The following WDFY4 variants were observed in gnomAD, a reference collection of about 807,000 sequenced individuals.
The protein encoded by WDFY4 is WD repeat- and FYVE domain-containing protein 4.
Under a neutral mutation model 351.9 loss-of-function variants are expected in WDFY4, and 169 were observed. That is an observed-to-expected ratio of 0.48 (90% CI 0.42 to 0.55). The LOEUF (loss-of-function observed/expected upper bound fraction) is 0.55, where lower values mean the gene tolerates loss of function less well. Among genes scored for constraint, WDFY4 ranks in the 20% least tolerant of loss-of-function variants. The pLI is 0.00. For synonymous variants in WDFY4, 1,622 were observed against 1,574.6 expected, an observed-to-expected ratio of 1.03 and a Z score of -0.71; for missense variants, 3,803 against 3,935.6, an observed-to-expected ratio of 0.97 and a Z score of 0.90.
intron 14 of WDFY4, 149 bp from the exon 15 acceptor site, chr10:48,775,563 C>T (rs1453008393): frequency 1.3e-5 from 9 of 713,854 alleles, no homozygotes; most frequent in South Asian, 1.1e-4. Context: ...CAGAGACACC[C>T]TGTCTCCACA....
At chr10:48,721,848 C>T (rs567210099) in intron 4 of WDFY4, among the ~76,000 whole-genome samples, 1 of 152,272 alleles carries the variant, frequency 6.6e-6, no homozygotes, top group East Asian at 1.9e-4. Context: ...ATTCTAGAAC[C>T]CATGCTCTGA....
At chr10:48,834,139 G>A (rs1182594452) in intron 39 of WDFY4, among the ~76,000 whole-genome samples, 1 of 152,206 alleles carries the variant, frequency 6.6e-6, no homozygotes, top group Non-Finnish European at 1.5e-5. Context: ...CTTGTTAAAG[G>A]CACTGTTCAA....
intron 13 of WDFY4, among the ~76,000 whole-genome samples, chr10:48,766,843 C>T (rs921059562): frequency 2.0e-5 from 3 of 152,316 alleles, no homozygotes; most frequent in African/African-American, 4.8e-5. Context: ...AGATCACAGA[C>T]TCAACATCTC....
chr10:48,800,719 T>A (rs56321770), intron 24 of WDFY4, among the ~76,000 whole-genome samples: 1,710 of 121,668 alleles, frequency 0.014, 24 homozygotes, highest in African/African-American at 0.026. Flanking sequence ...TCTTTCTTTC[T>A]TTCATTCTTT....
intron 57 of WDFY4, among the ~76,000 whole-genome samples, chr10:48,970,662 C>A (rs76561156): frequency 6.6e-6 from 1 of 152,320 alleles, no homozygotes; most frequent in African/African-American, 2.4e-5. Flanking sequence ...GAGCATTTTG[C>A]CACAAGTTGG....
chr10:48,731,217 T>G lies in WDFY4; in HGVS notation c.1237T>G (p.Trp413Gly). 6.4e-7 allele frequency: 1 copy of G among 1,551,892 alleles called. No homozygotes were observed. The highest frequency in any genetic ancestry group is 8.7e-7 in the Non-Finnish European group (1 of 1,147,026). ...AGTCTTGTCAGTCATCAGGACCATG[T>G]GGGCCTGGAATGCTCGAAACTTCTT... is the stretch of plus-strand genomic sequence containing the variant. ...IQVLSVIRTM[W>G]AWNARNFFLL... Residue 413 changes from tryptophan to glycine, a missense_variant, in exon 9 of 62, where the codon TGG becomes GGG. Transcript: ENST00000325239.
chr10:48,979,872 A>T (rs1316459993), intron 60 of WDFY4: 1 of 152,178 alleles, frequency 6.6e-6, no homozygotes, highest in African/African-American at 2.4e-5. Context: ...TCAAATGGGG[A>T]CACTTCCTGT....
chr10:48,916,403 T>C (rs1488139374), intron 47 of WDFY4, among the ~76,000 whole-genome samples: 2 of 152,126 alleles, frequency 1.3e-5, no homozygotes, highest in East Asian at 1.9e-4. Flanking sequence ...TGCTTGCTTC[T>C]CTCCTGTCTC....
chr10:48,796,451 G>A lies in WDFY4; in HGVS notation c.4410+1G>A. 3 of 1,550,156 alleles carry A rather than the reference G, an allele frequency of 1.9e-6. No individual in the cohort carries two copies. The highest frequency in any genetic ancestry group is 2.6e-6 in the Non-Finnish European group (3 of 1,146,932). On this transcript the variant is annotated splice_donor_variant, in intron 24 of 61. Transcript: ENST00000325239. LOFTEE classifies it high-confidence loss of function. ...CCAGCACATCCTCTGCAATTTCGAG[G>A]TAAATCAGAGATTGGCCCTTAGTCC...
chr10:48,787,258 C>G (rs1314736022), intron 20 of WDFY4, among the ~76,000 whole-genome samples: 2 of 152,188 alleles, frequency 1.3e-5, no homozygotes, highest in Non-Finnish European at 2.9e-5. Flanking sequence ...TGTTGTTATT[C>G]AAGCAGGGAG....
At chr10:48,702,561 C>T (rs562177231) in intron 1 of WDFY4, among the ~76,000 whole-genome samples, 4 of 152,168 alleles carry the variant, frequency 2.6e-5, no homozygotes, top group African/African-American at 4.8e-5. Flanking sequence ...GGGTGTTAGC[C>T]GTGTGTTCCT....
At chr10:48,742,373 C>T (rs1338024509) in intron 11 of WDFY4, among the ~76,000 whole-genome samples, 1 of 152,230 alleles carries the variant, frequency 6.6e-6, no homozygotes, top group African/African-American at 2.4e-5. Context: ...ACTGTTTCCC[C>T]TCATCTAATA....
chr10:48,691,260 A>G (rs1014299841), intron 1 of WDFY4, among the ~76,000 whole-genome samples: 1 of 151,016 alleles, frequency 6.6e-6, no homozygotes, highest in Admixed American at 6.6e-5. Context: ...ACCCTGACTT[A>G]GGGTGGCAGA....
chr10:48,858,588 A>G (rs1187859292), intron 39 of WDFY4, among the ~76,000 whole-genome samples: 1 of 152,182 alleles, frequency 6.6e-6, no homozygotes, highest in East Asian at 1.9e-4. Flanking sequence ...AGTACCGCAC[A>G]TTCTCAATTA....
chr10:48,710,905 C>A (rs1265815636), intron 2 of WDFY4, among the ~76,000 whole-genome samples: 1 of 152,164 alleles, frequency 6.6e-6, no homozygotes, highest in Non-Finnish European at 1.5e-5. Flanking sequence ...GTGAGGTCTG[C>A]CTTATAGTTG....
At chr10:48,759,117 C>T (rs181005087) in intron 12 of WDFY4, among the ~76,000 whole-genome samples, 1 of 152,148 alleles carries the variant, frequency 6.6e-6, no homozygotes, top group Admixed American at 6.5e-5. Context: ...TCCCTGGACT[C>T]TCTGGTTCCA....
chr10:48,860,040 C>A, intron 39 of WDFY4, among the ~76,000 whole-genome samples: 1 of 152,230 alleles, frequency 6.6e-6, no homozygotes, highest in Admixed American at 6.5e-5. Flanking sequence ...AGAAATAGCC[C>A]CTGTTTCATT....
At chr10:48,929,102 G>A (rs1839826710) in intron 47 of WDFY4, among the ~76,000 whole-genome samples, 1 of 152,174 alleles carries the variant, frequency 6.6e-6, no homozygotes, top group Admixed American at 6.5e-5. Context: ...GGCCATCTTT[G>A]AGAAGATGAT....
At chr10:48,824,526 A>G (rs747730270) in intron 35 of WDFY4, among the ~76,000 whole-genome samples, 2 of 152,188 alleles carry the variant, frequency 1.3e-5, no homozygotes, top group Admixed American at 6.5e-5. Context: ...CAAACTTTCA[A>G]CTTTTTTTAA....
Sources: gnomAD v4.1 joint callset for allele counts (sites outside exome capture counted in the v4.1 genomes callset) on GRCh38, gnomAD v4.1.1 for gene constraint, MANE v1.5 for transcripts, NCBI Gene and HGNC (gene_info 2026-07-23, HGNC 2026-07-21) for gene names.